ZNF512: variants seen among roughly 807,000 people sequenced by gnomAD.
ZNF512 encodes the protein zinc finger protein 512.
In ZNF512, 25 loss-of-function variants were observed where a neutral mutation model predicts 77.5. That is an observed-to-expected ratio of 0.32 (90% CI 0.23 to 0.45). The LOEUF (loss-of-function observed/expected upper bound fraction) is 0.45. Among genes scored for constraint, ZNF512 ranks in the 20% least tolerant of loss-of-function variants. The pLI is 1.00. For synonymous variants in ZNF512, 246 were observed against 239.9 expected (o/e 1.03, Z -0.24); for missense variants, 483 against 692.6 (o/e 0.70, Z 3.40).
In ZNF512 at chr2:27,621,586, T is replaced by C; in HGVS notation, c.*125T>C. On this transcript the variant is annotated 3_prime_UTR_variant, in exon 14 of 14. Transcript: ENST00000355467. ...GTAAGGCTGTGACTTTCTCAGCTCC[T>C]TCCTCCTGTGTAAATTTCACTGTCT... 4 of 1,005,496 alleles carry C rather than the reference T, an allele frequency of 4.0e-6. No homozygotes were observed. Among genetic ancestry groups the C allele is most frequent in the Non-Finnish European group, 5.6e-6 (4 of 710,296 alleles). The allele number at this position is 1,005,496 out of a possible 1,614,324, so 62.3% of individuals were successfully genotyped here.
At chr2:27,604,807 A>G (rs1047744674) in intron 9 of ZNF512, among the ~76,000 whole-genome samples, 6 of 152,122 alleles carry the variant, frequency 3.9e-5, no homozygotes, top group African/African-American at 9.7e-5. Flanking sequence ...ATGTTTTACA[A>G]TTCCATCACT....
chr2:27,602,340 C>T, intron 7 of ZNF512, 123 bp from the exon 8 acceptor site: 2 of 828,234 alleles, frequency 2.4e-6, no homozygotes, highest in Non-Finnish European at 3.7e-6. Context: ...AGTCAGAAAA[C>T]TTGGGCTTCA....
intron 2 of ZNF512, among the ~76,000 whole-genome samples, chr2:27,590,323 G>A (rs1671518530): frequency 6.6e-6 from 1 of 152,116 alleles, no homozygotes; most frequent in Non-Finnish European, 1.5e-5. Flanking sequence ...ATCTCTGGCA[G>A]TACTCTTTGT....
At chr2:27,602,174 A>G (rs1421794762) in intron 7 of ZNF512, among the ~76,000 whole-genome samples, 1 of 152,222 alleles carries the variant, frequency 6.6e-6, no homozygotes, top group Non-Finnish European at 1.5e-5. Context: ...CGTTTTGATA[A>G]AAGAGTTATG....
intron 1 of ZNF512, chr2:27,583,417 C>T: frequency 6.9e-7 from 1 of 1,441,584 alleles, no homozygotes; most frequent in East Asian, 2.5e-5. Context: ...CTTTTGGCCT[C>T]CCTTTTAGAG....
intron 2 of ZNF512, among the ~76,000 whole-genome samples, chr2:27,595,425 A>C (rs1291551506): frequency 6.6e-6 from 1 of 151,678 alleles, no homozygotes; most frequent in Non-Finnish European, 1.5e-5. Context: ...CCCAGGTTCA[A>C]GCGATTCTCC....
chr2:27,617,364 C>T, intron 12 of ZNF512, 109 bp from the exon 13 acceptor site: 4 of 659,090 alleles, frequency 6.1e-6, no homozygotes, highest in Admixed American at 4.9e-5. Context: ...TCCTTCTTAT[C>T]TTTGCTGAAG....
intron 2 of ZNF512, among the ~76,000 whole-genome samples, chr2:27,597,534 A>T (rs1402746116): frequency 6.6e-6 from 1 of 152,262 alleles, no homozygotes; most frequent in East Asian, 1.9e-4. Context: ...TTCATGCAAG[A>T]TAGCATCCAT....
chr2:27,608,132 G>A lies in ZNF512; in HGVS notation c.1131+93G>A. On this transcript the variant is annotated intron_variant, in intron 10 of 13. Transcript: ENST00000355467. ...AGTAAATGCACTTGAGGAAGTACGT[G>A]ATAGGCAGTATTTTGTTTGTTTATC... 3.4e-6 allele frequency: 4 copies of A among 1,168,830 alleles called. No homozygotes were observed. The South Asian group carries it at 6.9e-5, about 20-fold the overall frequency. The allele number at this position is 1,168,830 out of a possible 1,614,324, so 72.4% of individuals were successfully genotyped here.
At chr2:27,592,984 T>C (rs919511457) in intron 2 of ZNF512, among the ~76,000 whole-genome samples, 5 of 151,936 alleles carry the variant, frequency 3.3e-5, no homozygotes, top group African/African-American at 9.7e-5. Flanking sequence ...CACGCCTGGC[T>C]GATACATTTA....
chr2:27,595,896 C>T (rs1451331240), intron 2 of ZNF512, among the ~76,000 whole-genome samples: 1 of 152,158 alleles, frequency 6.6e-6, no homozygotes, highest in African/African-American at 2.4e-5. Context: ...TTGTGGCTGG[C>T]ATGTTTTGGT....
intron 2 of ZNF512, among the ~76,000 whole-genome samples, chr2:27,589,027 A>G (rs1671459699): frequency 6.6e-6 from 1 of 152,194 alleles, no homozygotes; most frequent in African/African-American, 2.4e-5. Context: ...GATTGTTGCT[A>G]GTATATAAGT....
chr2:27,597,749 C>T (rs575749305), intron 2 of ZNF512, among the ~76,000 whole-genome samples: 1 of 152,282 alleles, frequency 6.6e-6, no homozygotes, highest in East Asian at 1.9e-4. Context: ...AGGGAGTCTT[C>T]TGAAGGGTCA....
At chr2:27,607,437 C>T (rs548484333) in intron 9 of ZNF512, among the ~76,000 whole-genome samples, 2 of 151,378 alleles carry the variant, frequency 1.3e-5, no homozygotes, top group South Asian at 4.2e-4. Context: ...GCGCAATCTT[C>T]ACTCACTGCA....
At chr2:27,607,758 T>G (rs1021334889) in intron 9 of ZNF512, 87 bp from the exon 10 acceptor site, 1 of 1,263,970 alleles carries the variant, frequency 7.9e-7, no homozygotes. Context: ...TCTTTTGATA[T>G]TTAGAGCAGG....
At chr2:27,586,586 A>C (rs1267359955) in intron 2 of ZNF512, among the ~76,000 whole-genome samples, 1 of 152,208 alleles carries the variant, frequency 6.6e-6, no homozygotes, top group Non-Finnish European at 1.5e-5. Context: ...GAGGCCTGCC[A>C]GTCCATTAAT....
At chr2:27,602,419 C>T in intron 7 of ZNF512, 44 bp from the exon 8 acceptor site, 1 of 1,581,522 alleles carries the variant, frequency 6.3e-7, no homozygotes, top group South Asian at 1.1e-5. Flanking sequence ...TGTGTCTTAT[C>T]TTTTCCATGA....
chr2:27,608,641 C>G (rs1672471520), intron 10 of ZNF512, among the ~76,000 whole-genome samples: 1 of 151,954 alleles, frequency 6.6e-6, no homozygotes, highest in Non-Finnish European at 1.5e-5. Context: ...GAAGAAGGGG[C>G]CTTATTTAGC....
intron 13 of ZNF512, among the ~76,000 whole-genome samples, chr2:27,618,044 T>C (rs1487035835): frequency 6.6e-6 from 1 of 151,154 alleles, no homozygotes; most frequent in Non-Finnish European, 1.5e-5. Flanking sequence ...CAATACTCCC[T>C]GAGTAGCTGA....
Sources: allele counts gnomAD v4.1 joint callset (sites outside exome capture counted in the v4.1 genomes callset), GRCh38; gene constraint gnomAD v4.1.1; transcripts MANE v1.5; gene names NCBI Gene and HGNC (gene_info 2026-07-23, HGNC 2026-07-21).